SLC22A2: variants seen among roughly 807,000 people sequenced by gnomAD.
The protein encoded by SLC22A2 is organic cation transporter 2.
A neutral mutation model predicts 60.5 loss-of-function variants in SLC22A2; 46 were observed. The ratio of observed to expected loss-of-function variants is 0.76; its 90% confidence interval spans 0.60 to 0.97. The LOEUF (loss-of-function observed/expected upper bound fraction) is 0.97, where lower values mean the gene tolerates loss of function less well. Among genes scored for constraint, SLC22A2 ranks in the 50% least tolerant of loss-of-function variants. The pLI is 0.00. For missense variants in SLC22A2, 701 were observed against 706.6 expected, an observed-to-expected ratio of 0.99 and a Z score of 0.09; for synonymous variants, 303 against 267.0, an observed-to-expected ratio of 1.13 and a Z score of -1.31.
chr6:160,237,591 G>T (rs1782930990), intron 9 of SLC22A2, among the ~76,000 whole-genome samples: 1 of 152,070 alleles, frequency 6.6e-6, no homozygotes, highest in South Asian at 2.1e-4. Flanking sequence ...GAATGAAAAA[G>T]TTACAGAAGA....
intron 3 of SLC22A2, 190 bp downstream of exon 3, chr6:160,250,358 T>C (rs534562694): frequency 3.3e-5 from 20 of 599,326 alleles, no homozygotes; most frequent in Non-Finnish European, 5.6e-5. Flanking sequence ...TGCCTTCATT[T>C]TTTTAGTTTA....
In SLC22A2 at chr6:160,247,167, T is replaced by C. The variant is rs1562437070; in HGVS notation, c.957+17A>G. On this transcript the variant is annotated intron_variant, in intron 5 of 10. Coordinates refer to ENST00000366953, the MANE Select transcript of SLC22A2 (RefSeq NM_003058.4). ...TTTTCTCCATCCCCTGATTTGATAC[T>C]TAAGGCCCTGGCTCACCTGAAGGGA... The C allele has an allele frequency of 1.4e-6, 2 of 1,396,424 alleles. No homozygotes were observed. The highest frequency in any genetic ancestry group is 2.0e-6 in the Non-Finnish European group (2 of 981,718). The allele number at this position is 1,396,424 out of a possible 1,614,324, so 86.5% of individuals were successfully genotyped here.
chr6:160,225,554 G>T (rs1399103471), intron 9 of SLC22A2, among the ~76,000 whole-genome samples: 7 of 152,152 alleles, frequency 4.6e-5, no homozygotes, highest in Admixed American at 4.6e-4. Flanking sequence ...AGCTCTGAGG[G>T]CCTGGGCTCC....
intron 2 of SLC22A2, among the ~76,000 whole-genome samples, chr6:160,256,268 G>T (rs1783270533): frequency 6.6e-6 from 1 of 152,066 alleles, no homozygotes; most frequent in African/African-American, 2.4e-5. Flanking sequence ...CTGATGGCCA[G>T]GTGGATGGTG....
chr6:160,227,960 C>A (rs899370376), intron 9 of SLC22A2, among the ~76,000 whole-genome samples: 1 of 152,190 alleles, frequency 6.6e-6, no homozygotes, highest in African/African-American at 2.4e-5. Flanking sequence ...AGGAAGTTAC[C>A]CTATATGGTC....
At chr6:160,218,120 T>C (rs1019676108) in intron 10 of SLC22A2, 1 of 194,970 alleles carries the variant, frequency 5.1e-6, no homozygotes, top group Admixed American at 5.3e-5. Context: ...TCTCACAGAA[T>C]TTCCCCCACC....
At chr6:160,221,475 G>T (rs912996738) in intron 10 of SLC22A2, among the ~76,000 whole-genome samples, 1 of 152,152 alleles carries the variant, frequency 6.6e-6, no homozygotes, top group Non-Finnish European at 1.5e-5. Flanking sequence ...CTTCCTTCAA[G>T]AACTTTTCCT....
intron 10 of SLC22A2, chr6:160,218,103 C>A (rs1009499366): frequency 5.2e-6 from 1 of 193,074 alleles, no homozygotes; most frequent in Non-Finnish European, 1.1e-5. Context: ...CTCCCAGCCA[C>A]CCAGCATCTC....
chr6:160,252,925 G>C (rs1783211696), intron 2 of SLC22A2, among the ~76,000 whole-genome samples: 1 of 152,238 alleles, frequency 6.6e-6, no homozygotes, highest in Non-Finnish European at 1.5e-5. Context: ...GCCCAGTAAA[G>C]TGACTAGCAC....
intron 3 of SLC22A2, 95 bp downstream of exon 3, chr6:160,250,453 G>T: frequency 1.8e-6 from 2 of 1,128,310 alleles, no homozygotes; most frequent in Non-Finnish European, 2.7e-6. Flanking sequence ...TTGTCTTGAA[G>T]CTGGGTCCCT....
intron 7 of SLC22A2, 48 bp from the exon 8 acceptor site, chr6:160,242,450 T>A: frequency 9.4e-7 from 1 of 1,058,806 alleles, no homozygotes; most frequent in Non-Finnish European, 1.5e-6. Flanking sequence ...TGATTCCTCA[T>A]CTTCAGACAG....
intron 9 of SLC22A2, among the ~76,000 whole-genome samples, chr6:160,236,375 C>G (rs933673010): frequency 5.9e-5 from 9 of 152,098 alleles, no homozygotes; most frequent in Non-Finnish European, 8.8e-5. Flanking sequence ...TTTTCAGAGT[C>G]AAGGAAACTT....
intron 1 of SLC22A2, among the ~76,000 whole-genome samples, chr6:160,258,137 A>G (rs1040885436): frequency 8.5e-5 from 13 of 152,222 alleles, no homozygotes; most frequent in African/African-American, 2.7e-4. Flanking sequence ...TATTGTCAGC[A>G]TCTGAGGACG....
At chr6:160,237,457 C>T (rs986742072) in intron 9 of SLC22A2, among the ~76,000 whole-genome samples, 1 of 152,126 alleles carries the variant, frequency 6.6e-6, no homozygotes, top group African/African-American at 2.4e-5. Flanking sequence ...TCAGATATCA[C>T]TTTTTGTCAG....
intron 9 of SLC22A2, among the ~76,000 whole-genome samples, chr6:160,233,162 C>T (rs948163234): frequency 9.9e-5 from 15 of 152,044 alleles, no homozygotes; most frequent in Non-Finnish European, 2.1e-4. Context: ...ACTTTACTCA[C>T]ATGCCCCGAG....
At chr6:160,218,460 C>G (rs3798160) in intron 10 of SLC22A2, among the ~76,000 whole-genome samples, 42,376 of 152,034 alleles carry the variant, frequency 0.28, 7,245 homozygotes, top group African/African-American at 0.48. Flanking sequence ...GTAGAAGCAT[C>G]AGTGACAACA....
At chr6:160,242,688 C>G (rs185374150) in intron 7 of SLC22A2, among the ~76,000 whole-genome samples, 2 of 152,162 alleles carry the variant, frequency 1.3e-5, no homozygotes, top group East Asian at 3.9e-4. Flanking sequence ...CCCACATAAC[C>G]TCTGCCCCCA....
chr6:160,222,788 G>C (rs367802088), intron 10 of SLC22A2, among the ~76,000 whole-genome samples: 1 of 152,300 alleles, frequency 6.6e-6, no homozygotes, highest in Non-Finnish European at 1.5e-5. Flanking sequence ...AAAGCCAAGC[G>C]ATCATTCAGC....
intron 3 of SLC22A2, 50 bp downstream of exon 3, chr6:160,250,498 T>G (rs776720040): frequency 4.4e-6 from 7 of 1,600,058 alleles, no homozygotes; most frequent in Non-Finnish European, 6.0e-6. Flanking sequence ...GACTCTATTT[T>G]GGCAGCGAGG....
Sources: allele counts gnomAD v4.1 joint callset (sites outside exome capture counted in the v4.1 genomes callset), GRCh38; gene constraint gnomAD v4.1.1; transcripts MANE v1.5; gene names NCBI Gene and HGNC (gene_info 2026-07-23, HGNC 2026-07-21).